RANBP2: variants seen among roughly 807,000 people sequenced by gnomAD.
RANBP2 encodes E3 SUMO-protein ligase RanBP2.
In RANBP2, 57 loss-of-function variants were observed where a neutral mutation model predicts 303.6. That is an observed-to-expected ratio of 0.19 (90% CI 0.15 to 0.23). The LOEUF (loss-of-function observed/expected upper bound fraction) is 0.23. Among genes scored for constraint, RANBP2 ranks in the 10% least tolerant of loss-of-function variants. The probability of loss-of-function intolerance (pLI) is 1.00; values close to 1 mark genes in which losing one functional copy is unlikely to be tolerated. For synonymous variants in RANBP2, 1,167 were observed against 1,301.5 expected, an observed-to-expected ratio of 0.90 and a Z score of 2.23; for missense variants, 3,138 against 3,780.8, an observed-to-expected ratio of 0.83 and a Z score of 4.46.
the RANBP2 span, among the ~76,000 whole-genome samples, chr2:109,009,077 A>C: frequency 6.6e-6 from 1 of 151,050 alleles, no homozygotes; most frequent in Non-Finnish European, 1.5e-5. Context: ...TGGTGGCTCG[A>C]GCCTATAATC....
downstream of RANBP2, among the ~76,000 whole-genome samples, chr2:108,786,533 C>A (rs1359917857): frequency 6.6e-6 from 1 of 152,174 alleles, no homozygotes; most frequent in Admixed American, 6.5e-5. Flanking sequence ...CAGGCAGGTG[C>A]GGGGCCTCGG....
chr2:109,569,868 T>A, the RANBP2 span, among the ~76,000 whole-genome samples: 1 of 152,140 alleles, frequency 6.6e-6, no homozygotes, highest in Non-Finnish European at 1.5e-5. Flanking sequence ...TAACTTTCCA[T>A]GTCAAGCAGT....
chr2:109,398,573 TC>T, the RANBP2 span: 2 of 1,534,166 alleles, frequency 1.3e-6, no homozygotes, highest in Non-Finnish European at 1.8e-6. Flanking sequence ...GCCTCCCCTC[TC>T]CCCTTTCTCA....
At chr2:108,855,287 T>G in the RANBP2 span, among the ~76,000 whole-genome samples, 2 of 152,200 alleles carry the variant, frequency 1.3e-5, no homozygotes, top group Non-Finnish European at 2.9e-5. Flanking sequence ...TTTTAAAGTT[T>G]GCAAACTTAA....
At chr2:109,655,712 T>C in the RANBP2 span, among the ~76,000 whole-genome samples, 1 of 152,160 alleles carries the variant, frequency 6.6e-6, no homozygotes, top group Non-Finnish European at 1.5e-5. Context: ...TTGAACTGTT[T>C]GTGTGGTCTC....
At chr2:109,323,614 A>T in the RANBP2 span, among the ~76,000 whole-genome samples, 15 of 151,868 alleles carry the variant, frequency 9.9e-5, no homozygotes, top group African/African-American at 3.1e-4. Context: ...GGGGCTGGAG[A>T]CTCCTGATGT....
At chr2:109,284,159 G>T in the RANBP2 span, among the ~76,000 whole-genome samples, 1 of 152,178 alleles carries the variant, frequency 6.6e-6, no homozygotes, top group Admixed American at 6.5e-5. Flanking sequence ...CTTACAGAGG[G>T]GCGGTCCCAG....
At position 108,766,216 on chromosome 2, in the gene RANBP2, G is replaced by T. The variant is rs546425828; in HGVS notation, c.5677G>T (p.Val1893Leu). The T allele has an allele frequency of 3.7e-6, 6 of 1,612,202 alleles. No individual in the cohort carries two copies. The highest frequency in any genetic ancestry group is 4.5e-5 in the East Asian group (2 of 44,880). ...AACCAAAGAAGGATTTTCCATCCCT[G>T]TGTCTGCTGATGGATTTAAATTTGG... ...KSTKEGFSIP[V>L]SADGFKFGIS... is the part of the protein sequence containing the mutation. Residue 1893 changes from valine to leucine, a missense_variant, in exon 20 of 29, where the codon GTG becomes TTG. Physicochemically the swap from Val to Leu is conservative, Grantham distance 32. Around this residue, in one of 20 missense-constraint regions of RANBP2, gnomAD observed 348 missense variants for 360.4 expected, o/e 0.97. Coordinates refer to ENST00000283195, the MANE Select transcript of RANBP2 (RefSeq NM_006267.5).
the RANBP2 span, among the ~76,000 whole-genome samples, chr2:109,632,818 C>A: frequency 5.6e-5 from 8 of 143,120 alleles, no homozygotes; most frequent in African/African-American, 1.0e-4. Context: ...GACTCTGTCT[C>A]AAAAAAAAAA....
the RANBP2 span, among the ~76,000 whole-genome samples, chr2:108,850,929 C>T: frequency 2.6e-5 from 4 of 152,146 alleles, no homozygotes; most frequent in African/African-American, 7.2e-5. Flanking sequence ...ACTTCTGACA[C>T]GATCCACCTG....
the RANBP2 span, among the ~76,000 whole-genome samples, chr2:109,589,031 A>G: frequency 6.6e-6 from 1 of 151,890 alleles, no homozygotes; most frequent in African/African-American, 2.4e-5. Flanking sequence ...CCCGAGTTTA[A>G]GTGATTCTTC....
the RANBP2 span, among the ~76,000 whole-genome samples, chr2:109,095,824 C>A: frequency 6.6e-6 from 1 of 152,084 alleles, no homozygotes; most frequent in Admixed American, 6.6e-5. Context: ...ATTAAAAAGG[C>A]ACTAATGCAA....
chr2:109,434,145 C>A, the RANBP2 span, among the ~76,000 whole-genome samples: 6 of 152,230 alleles, frequency 3.9e-5, no homozygotes, highest in African/African-American at 1.4e-4. Flanking sequence ...AAGCACAGGT[C>A]ACCCCTCTAG....
chr2:109,218,745 A>G, the RANBP2 span, among the ~76,000 whole-genome samples: 4 of 152,332 alleles, frequency 2.6e-5, no homozygotes, highest in East Asian at 7.7e-4. Context: ...AAGTGAAAAC[A>G]AAAATAGCCA....
At chr2:109,142,245 G>C in the RANBP2 span, among the ~76,000 whole-genome samples, 2 of 152,280 alleles carry the variant, frequency 1.3e-5, no homozygotes, top group South Asian at 4.1e-4. Context: ...TTCTTTGCCA[G>C]CTGCCCCACC....
the RANBP2 span, among the ~76,000 whole-genome samples, chr2:109,121,644 C>T: frequency 6.6e-5 from 10 of 152,276 alleles, no homozygotes; most frequent in Middle Eastern, 3.4e-3. Flanking sequence ...ACGTTCCTCC[C>T]GATCCTCTGT....
the RANBP2 span, among the ~76,000 whole-genome samples, chr2:109,217,766 C>G: frequency 1.3e-5 from 2 of 152,162 alleles, no homozygotes; most frequent in Non-Finnish European, 2.9e-5. Context: ...ATAGATCATT[C>G]TTCTCCCGCC....
chr2:109,204,828 C>G, the RANBP2 span, among the ~76,000 whole-genome samples: 7 of 152,204 alleles, frequency 4.6e-5, no homozygotes, highest in South Asian at 1.5e-3. Context: ...TCTTGATTCC[C>G]TGTATTTTCT....
At chr2:109,289,556 C>T in the RANBP2 span, among the ~76,000 whole-genome samples, 18 of 152,064 alleles carry the variant, frequency 1.2e-4, no homozygotes, top group Admixed American at 1.2e-3. Flanking sequence ...ATTATGGGGA[C>T]CATGGTGTAG....
Sources: gnomAD v4.1 joint callset for allele counts (sites outside exome capture counted in the v4.1 genomes callset) on GRCh38, gnomAD v4.1.1 for gene constraint, gnomAD v4.1.1 regional missense constraint, MANE v1.5 for transcripts, NCBI Gene and HGNC (gene_info 2026-07-23, HGNC 2026-07-21) for gene names.